The following CHAF1B variants were observed in gnomAD, a reference collection of about 807,000 sequenced individuals.
CHAF1B encodes CAF-1 subunit B.
CHAF1B carries 10 observed loss-of-function variants against 60.7 expected under a neutral mutation model. The ratio of observed to expected loss-of-function variants is 0.16; its 90% CI spans 0.10 to 0.28. CHAF1B has a LOEUF of 0.28. Ranked by LOEUF, CHAF1B falls within the 10% of genes least tolerant of loss-of-function variation. CHAF1B has a pLI of 1.00. For synonymous variants in CHAF1B, 261 were observed against 266.1 expected, an observed-to-expected ratio of 0.98 and a Z score of 0.19; for missense variants, 558 against 708.4, an observed-to-expected ratio of 0.79 and a Z score of 2.41.
At chr21:36,414,042 C>T (rs952301779) in intron 12 of CHAF1B, among the ~76,000 whole-genome samples, 1 of 152,120 alleles carries the variant, frequency 6.6e-6, no homozygotes, top group African/African-American at 2.4e-5. Context: ...TCGTTTCTTC[C>T]CTGCTTACAT....
At chr21:36,394,974 GC>G (rs1196471541) in intron 5 of CHAF1B, among the ~76,000 whole-genome samples, 5 of 151,764 alleles carry the variant, frequency 3.3e-5, no homozygotes, top group Admixed American at 1.3e-4. Context: ...CAGGTGATCT[GC>G]CCGCCTCAGC....
chr21:36,408,779 G>A lies in CHAF1B; in HGVS notation c.776G>A (p.Gly259Asp), dbSNP rs2086255832. Residue 259 changes from glycine (G) to aspartate (D), a missense_variant, in exon 9 of 14, where the codon GGT becomes GAT. By Grantham distance (94) the Gly-to-Asp change is moderately conservative. Coordinates refer to ENST00000314103, the MANE Select transcript of CHAF1B (RefSeq NM_005441.3). ...LLTPAGCVES[G>D]ENVMNTTYVF... ...TCCCCAGCTGGATGTGTGGAATCTGGTGAAAATGTAATGAATACCACTTAT... is the reference window on the plus strand; with the variant it reads ...TCCCCAGCTGGATGTGTGGAATCTGATGAAAATGTAATGAATACCACTTAT... 1 of 1,609,700 alleles carries A rather than the reference G, an allele frequency of 6.2e-7. No homozygotes were observed. Among genetic ancestry groups the A allele is most frequent in the Non-Finnish European group, 8.5e-7 (1 of 1,176,228 alleles).
chr21:36,397,698 C>G, intron 6 of CHAF1B, 187 bp downstream of exon 6: 1 of 316,092 alleles, frequency 3.2e-6, no homozygotes, highest in Non-Finnish European at 5.8e-6. Flanking sequence ...GTGCCTTACA[C>G]GAAGTTTGTA....
chr21:36,413,418 C>A, intron 12 of CHAF1B, 103 bp downstream of exon 12: 1 of 1,099,396 alleles, frequency 9.1e-7, no homozygotes, highest in South Asian at 1.6e-5. Context: ...GTGAATGCTT[C>A]ATGCCAGTAG....
intron 5 of CHAF1B, among the ~76,000 whole-genome samples, chr21:36,396,519 T>C (rs560241448): frequency 2.0e-5 from 3 of 151,898 alleles, no homozygotes; most frequent in African/African-American, 7.2e-5. Context: ...AAAAATTAGC[T>C]GGGTGTGGTA....
chr21:36,393,063 C>A (rs2146362809), intron 4 of CHAF1B, among the ~76,000 whole-genome samples: 1 of 152,306 alleles, frequency 6.6e-6, no homozygotes, highest in South Asian at 2.1e-4. Flanking sequence ...AATACGAAAA[C>A]CAGACAGGCG....
intron 6 of CHAF1B, among the ~76,000 whole-genome samples, chr21:36,399,154 C>A (rs1045689699): frequency 6.6e-6 from 1 of 151,850 alleles, no homozygotes; most frequent in African/African-American, 2.4e-5. Flanking sequence ...TCTGCCTCAG[C>A]CTCCCGAGTA....
At chr21:36,393,534 C>G (rs142993215) in intron 4 of CHAF1B, among the ~76,000 whole-genome samples, 2,958 of 149,864 alleles carry the variant, frequency 0.02, 50 homozygotes, top group Admixed American at 0.042. Context: ...TCACCGCAAC[C>G]TCTGCCTCCT....
intron 7 of CHAF1B, among the ~76,000 whole-genome samples, chr21:36,402,216 C>T (rs917837747): frequency 2.0e-5 from 3 of 152,110 alleles, no homozygotes; most frequent in Non-Finnish European, 2.9e-5. Flanking sequence ...GAGGCTGAGA[C>T]GGGAGGATTG....
At chr21:36,396,693 A>C (rs889813652) in intron 5 of CHAF1B, among the ~76,000 whole-genome samples, 2 of 151,086 alleles carry the variant, frequency 1.3e-5, no homozygotes, top group African/African-American at 2.4e-5. Flanking sequence ...CCAAGGCTTC[A>C]TAACTCTCTT....
Position 36,385,444 on chromosome 21 carries a change from C to A in CHAF1B, c.-85C>A, listed in dbSNP as rs2086022417. On this transcript the variant is annotated 5_prime_UTR_variant, in exon 1 of 14. Transcript: ENST00000314103. ...TGACGGTGCCTCTGACTGTCCGGGT[C>A]CCTCCAGGTACGGCTTCCCTGGCCC... is the stretch of plus-strand genomic sequence containing the variant. 1 of 152,056 alleles carries A rather than the reference C, an allele frequency of 6.6e-6. No homozygotes were observed. The highest frequency in any genetic ancestry group is 1.5e-5 in the Non-Finnish European group (1 of 68,004). 9.4% of individuals were successfully genotyped at this position (152,056 alleles called of 1,614,324 possible). A position where few individuals can be genotyped will look rare whatever the true frequency, so the allele number is the denominator to read the frequency against.
At chr21:36,390,506 A>G (rs967920066) in intron 3 of CHAF1B, among the ~76,000 whole-genome samples, 1 of 152,102 alleles carries the variant, frequency 6.6e-6, no homozygotes, top group Non-Finnish European at 1.5e-5. Flanking sequence ...GACTTAGACA[A>G]TGGGTGACCT....
intron 4 of CHAF1B, 131 bp downstream of exon 4, chr21:36,391,799 T>C: frequency 3.5e-6 from 2 of 579,620 alleles, no homozygotes; most frequent in Non-Finnish European, 6.2e-6. Flanking sequence ...AGTGCTGTAC[T>C]GTGATCACAG....
At chr21:36,395,340 A>G (rs1312814210) in intron 5 of CHAF1B, among the ~76,000 whole-genome samples, 1 of 152,148 alleles carries the variant, frequency 6.6e-6, no homozygotes, top group African/African-American at 2.4e-5. Context: ...GAGCCACCAC[A>G]CCCGGCCTAC....
intron 6 of CHAF1B, among the ~76,000 whole-genome samples, chr21:36,398,392 C>T (rs1286001317): frequency 6.6e-6 from 1 of 152,060 alleles, no homozygotes; most frequent in Non-Finnish European, 1.5e-5. Flanking sequence ...CAGAATCTCA[C>T]TCTGTCACTC....
intron 1 of CHAF1B, 149 bp from the exon 2 acceptor site, chr21:36,385,911 T>G: frequency 1.0e-5 from 5 of 491,014 alleles, no homozygotes; most frequent in Admixed American, 3.5e-5. Context: ...CAGCGAAGCA[T>G]TTTAGGTGGA....
chr21:36,406,337 G>A (rs1454703529), intron 8 of CHAF1B, among the ~76,000 whole-genome samples: 1 of 152,174 alleles, frequency 6.6e-6, no homozygotes, highest in East Asian at 1.9e-4. Flanking sequence ...CCAGGCTTGA[G>A]AGCATTGGCG....
Position 36,401,322 on chromosome 21 carries a change from T to G in CHAF1B, c.664-1436T>G, listed in dbSNP as rs533377910. Among the ~76,000 whole-genome samples the G allele has an allele frequency of 2.6e-4, 37 of 144,206 alleles. No individual in the cohort carries two copies. In the South Asian group the frequency reaches 7.8e-3, roughly 30 times the overall value. 94.6% of individuals were successfully genotyped at this position (144,206 alleles called of 152,430 possible). Reference sequence around the variant, plus strand: ...TGTATATATTATATATAATATATACTTTAATATGTTATATATTTATATTAT... The same window carrying G: ...TGTATATATTATATATAATATATACGTTAATATGTTATATATTTATATTAT... On this transcript the variant is annotated intron_variant, in intron 7 of 13. Transcript: ENST00000314103.
chr21:36,414,263 G>A (rs1377933511), intron 12 of CHAF1B, among the ~76,000 whole-genome samples: 1 of 152,188 alleles, frequency 6.6e-6, no homozygotes, highest in African/African-American at 2.4e-5. Flanking sequence ...AGGAGAGCTG[G>A]GAAGGGGGAT....
Sources: gnomAD v4.1 joint callset for allele counts (sites outside exome capture counted in the v4.1 genomes callset) on GRCh38, gnomAD v4.1.1 for gene constraint, MANE v1.5 for transcripts, NCBI Gene and HGNC (gene_info 2026-07-23, HGNC 2026-07-21) for gene names.